Variants in NOB1 observed in about 807,000 individuals in gnomAD.
The protein encoded by NOB1 is RNA-binding protein NOB1.
A neutral mutation model predicts 44.8 loss-of-function variants in NOB1; 44 were observed. The ratio of observed to expected loss-of-function variants is 0.98; its 90% CI spans 0.77 to 1.26. The LOEUF is 1.26. Ranked by LOEUF, NOB1 falls within the 50% of genes most tolerant of loss-of-function variation. The probability of loss-of-function intolerance (pLI) is 0.00; values close to 1 mark genes in which losing one functional copy is unlikely to be tolerated. For synonymous variants in NOB1, 238 were observed against 218.7 expected (o/e 1.09, Z -0.78); for missense variants, 560 against 544.8 (o/e 1.03, Z -0.28).
At position 69,747,222 on chromosome 16, in the gene NOB1, C is replaced by CAAAA. The variant is rs35257586; in HGVS notation, c.824+1006_824+1009dup. 8.5e-3 allele frequency among the ~76,000 whole-genome samples: 659 copies of CAAAA among 77,740 alleles called. 1 individual carries two copies. Among genetic ancestry groups the CAAAA allele is most frequent in the African/African-American group, 0.016 (308 of 18,730 alleles). The allele number at this position is 77,740 out of a possible 152,430, so 51.0% of individuals were successfully genotyped here. A position where few individuals can be genotyped will look rare whatever the true frequency, so the allele number is the denominator to read the frequency against. ...GGCAACAAGAGAGAAACCCTGTCTCCAAAAAAAAAAAAAAAAAAAAAGATA... is the reference window on the plus strand; with the variant it reads ...GGCAACAAGAGAGAAACCCTGTCTCCAAAAAAAAAAAAAAAAAAAAAAAAAGATA... On this transcript the variant is annotated intron_variant, in intron 7 of 8. Transcript: ENST00000268802.
intron 8 of NOB1, among the ~76,000 whole-genome samples, chr16:69,744,257 T>C (rs1329084571): frequency 6.6e-6 from 1 of 151,780 alleles, no homozygotes; most frequent in Non-Finnish European, 1.5e-5. Flanking sequence ...AGAGGTGGAG[T>C]TTCAGTGAGC....
chr16:69,749,336 A>T lies in NOB1; in HGVS notation c.402T>A (p.Pro134=), dbSNP rs376673166. The T allele has an allele frequency of 3.9e-5, 61 of 1,584,114 alleles. No homozygotes were observed. The highest frequency in any genetic ancestry group is 5.2e-5 in the Non-Finnish European group (61 of 1,171,824). Residue 134 remains proline (P), a splice_region_variant and synonymous_variant, in exon 5 of 9, where the codon CCT becomes CCA. Coordinates refer to ENST00000268802, the MANE Select transcript of NOB1 (RefSeq NM_014062.3). ...HISGFHLPYK[P]KPPQETEKGH... ...CTTTTTCTGTTTCTTGTGGGGGTTTAGGCTGAAATTAAAAGAAACAATTTT... is the reference window on the plus strand; with the variant it reads ...CTTTTTCTGTTTCTTGTGGGGGTTTTGGCTGAAATTAAAAGAAACAATTTT...
At chr16:69,746,616 T>A (rs777417868) in intron 7 of NOB1, among the ~76,000 whole-genome samples, 1 of 152,174 alleles carries the variant, frequency 6.6e-6, no homozygotes, top group African/African-American at 2.4e-5. Flanking sequence ...TTATTAAGCA[T>A]CTCATAGGGC....
Position 69,742,529 on chromosome 16 carries a change from G to A in NOB1, c.1042C>T (p.Gln348Ter). 6.2e-7 allele frequency: 1 copy of A among 1,614,194 alleles called. No homozygotes were observed. The highest frequency in any genetic ancestry group is 8.5e-7 in the Non-Finnish European group (1 of 1,180,020). Residue 348 changes from glutamine to a stop codon, truncating the protein, a stop_gained, in exon 9 of 9, where the codon CAG (glutamine) becomes TAG (stop). Coordinates refer to ENST00000268802, the MANE Select transcript of NOB1 (RefSeq NM_014062.3). LOFTEE classifies it high-confidence loss of function. ...CTGGCCTTTTGGGAGAGTCGCAGCT[G>A]AGGGAAGCGCTGATCCTCGGTGAGA... is the stretch of plus-strand genomic sequence containing the variant. ...PHLTEDQRFP[Q>*]LRLSQKARQK...
intron 2 of NOB1, among the ~76,000 whole-genome samples, chr16:69,752,918 G>A (rs368249924): frequency 1.3e-5 from 2 of 151,332 alleles, no homozygotes; most frequent in African/African-American, 4.9e-5. Flanking sequence ...CTGGGCGACA[G>A]AGTGAGACTC....
intron 6 of NOB1, 47 bp from the exon 7 acceptor site, chr16:69,748,376 A>T: frequency 6.5e-7 from 1 of 1,549,870 alleles, no homozygotes; most frequent in Non-Finnish European, 8.9e-7. Flanking sequence ...TTCACATTTC[A>T]TTTTGTAATT....
chr16:69,745,087 T>G, intron 7 of NOB1, 70 bp from the exon 8 acceptor site: 1 of 1,554,252 alleles, frequency 6.4e-7, no homozygotes, highest in Non-Finnish European at 8.8e-7. Flanking sequence ...GAGCACAAGG[T>G]GGGTCTCGGG....
intron 3 of NOB1, 35 bp downstream of exon 3, chr16:69,752,206 T>A (rs779548332): frequency 1.2e-6 from 2 of 1,600,528 alleles, no homozygotes; most frequent in Non-Finnish European, 1.7e-6. Flanking sequence ...GTTCCCATAA[T>A]ACAAAGCTTT....
At chr16:69,744,788 G>A in intron 8 of NOB1, 85 bp downstream of exon 8, 3 of 1,478,080 alleles carry the variant, frequency 2.0e-6, no homozygotes, top group Non-Finnish European at 2.7e-6. Context: ...CCATCTTGCA[G>A]AAACGACTAG....
At position 69,754,836 on chromosome 16, in the gene NOB1, A is replaced by G. The variant is rs377428512; in HGVS notation, c.63+12T>C. 2.1e-5 allele frequency: 33 copies of G among 1,604,032 alleles called. No homozygotes were observed. In the African/African-American group the frequency reaches 4.0e-4, roughly 20 times the overall value. ...CCCAGATCTCTCTCGTCCCGGAGGG[A>G]GCTCCCCGTACCTGCAGAGCCGCAT... is the stretch of plus-strand genomic sequence containing the variant. On this transcript the variant is annotated intron_variant, in intron 1 of 8. Coordinates refer to ENST00000268802, the MANE Select transcript of NOB1 (RefSeq NM_014062.3).
chr16:69,752,778 C>T (rs1171818932), intron 2 of NOB1, among the ~76,000 whole-genome samples: 1 of 151,224 alleles, frequency 6.6e-6, no homozygotes, highest in Non-Finnish European at 1.5e-5. Flanking sequence ...AATAAATATA[C>T]AAAAATTATC....
chr16:69,749,906 A>C lies in NOB1; in HGVS notation c.328-276T>G, dbSNP rs550338753. ...AGCAGGAGAATTCCTTGAAACCGGG[A>C]GGCGGAGGTTGCAGTGGGCTGAGAT... On this transcript the variant is annotated intron_variant, in intron 3 of 8. Transcript: ENST00000268802. Among the ~76,000 whole-genome samples the C allele has an allele frequency of 1.7e-4, 26 of 149,626 alleles. 1 individual carries two copies. The highest frequency in any genetic ancestry group is 3.4e-3 in the Middle Eastern group (1 of 292).
chr16:69,745,273 C>A (rs751750972), intron 7 of NOB1, among the ~76,000 whole-genome samples: 3 of 152,182 alleles, frequency 2.0e-5, no homozygotes, highest in Non-Finnish European at 4.4e-5. Context: ...ATCCCGAACC[C>A]TTCCTACACA....
At chr16:69,748,396 G>C (rs544753663) in intron 6 of NOB1, 67 bp from the exon 7 acceptor site, 1 of 1,450,616 alleles carries the variant, frequency 6.9e-7, no homozygotes, top group African/African-American at 1.4e-5. Context: ...TACAGTTAAG[G>C]GAACTTCACA....
intron 3 of NOB1, among the ~76,000 whole-genome samples, chr16:69,751,244 G>C (rs1218056586): frequency 6.6e-6 from 1 of 152,140 alleles, no homozygotes; most frequent in Non-Finnish European, 1.5e-5. Context: ...CTAGGTTCAA[G>C]TAATGCTCCT....
chr16:69,751,882 C>T (rs535624051), intron 3 of NOB1, among the ~76,000 whole-genome samples: 49 of 152,148 alleles, frequency 3.2e-4, no homozygotes, highest in Admixed American at 2.6e-3. Flanking sequence ...ACCAACATGG[C>T]GAAACCCCGT....
rs1001859808 is a variant in NOB1 at position 69,742,005 on chromosome 16, A to G, written c.*327T>C. The G allele has an allele frequency of 2.8e-5, 7 of 253,798 alleles. No individual in the cohort carries two copies. In the East Asian group the frequency reaches 6.2e-4, roughly 22 times the overall value. The allele number at this position is 253,798 out of a possible 1,614,324, so 15.7% of individuals were successfully genotyped here. A position where few individuals can be genotyped will look rare whatever the true frequency, so the allele number is the denominator to read the frequency against. On this transcript the variant is annotated 3_prime_UTR_variant, in exon 9 of 9. Coordinates refer to ENST00000268802, the MANE Select transcript of NOB1 (RefSeq NM_014062.3). ...AGCAAAAATTTGGCCTATTTAATTA[A>G]ATGCACAGGAGGTTGCAGCCGCATT... is the stretch of plus-strand genomic sequence containing the variant.
intron 8 of NOB1, among the ~76,000 whole-genome samples, 170 bp downstream of exon 8, chr16:69,744,703 G>A (rs563048672): frequency 1.3e-5 from 2 of 152,270 alleles, no homozygotes; most frequent in African/African-American, 4.8e-5. Flanking sequence ...ATAACCGGTC[G>A]CTTCTCATGA....
chr16:69,745,028 CA>C lies in NOB1; in HGVS notation c.825-12del. 6.2e-7 allele frequency: 1 copy of C among 1,613,786 alleles called. No homozygotes were observed. Among genetic ancestry groups the C allele is most frequent in the East Asian group, 2.2e-5 (1 of 44,862 alleles). On this transcript the variant is annotated splice_polypyrimidine_tract_variant and intron_variant, in intron 7 of 8. Transcript: ENST00000268802. The stretch of plus-strand genomic sequence containing the variant: ...ATGTCAGACGTTGTCCTGGGAGACA[CA>C]AAAGGAGATGATCTGTACCAAAGCC...
Sources: allele counts gnomAD v4.1 joint callset (sites outside exome capture counted in the v4.1 genomes callset), GRCh38; gene constraint gnomAD v4.1.1; transcripts MANE v1.5; gene names NCBI Gene and HGNC (gene_info 2026-07-23, HGNC 2026-07-21).